The following STARD13 variants were observed in gnomAD, a reference collection of about 807,000 sequenced individuals.
The protein encoded by STARD13 is stAR-related lipid transfer protein 13.
STARD13 carries 62 observed loss-of-function variants against 106.4 expected under a neutral mutation model. That is an observed-to-expected ratio of 0.58 (90% CI 0.48 to 0.72). STARD13 has a LOEUF of 0.72. Among genes scored for constraint, STARD13 ranks in the 30% least tolerant of loss-of-function variants. The pLI is 0.00. For missense variants in STARD13, 1,387 were observed against 1,424.0 expected (o/e 0.97, Z 0.42); for synonymous variants, 565 against 553.0 (o/e 1.02, Z -0.31).
intron 7 of STARD13, among the ~76,000 whole-genome samples, chr13:33,120,775 A>G (rs1198607963): frequency 1.5e-5 from 2 of 137,372 alleles, no homozygotes; most frequent in Admixed American, 7.4e-5. Flanking sequence ...CTATTTCCTG[A>G]CTTTTTTTTT....
At chr13:33,436,231 T>C in the STARD13 span, among the ~76,000 whole-genome samples, 1 of 152,374 alleles carries the variant, frequency 6.6e-6, no homozygotes, top group South Asian at 2.1e-4. Flanking sequence ...GTGATTTTAT[T>C]TTCCTTAGGT....
At chr13:33,167,649 GT>G (rs1364449520) in intron 1 of STARD13, 27 bp from the exon 2 acceptor site, 3 of 1,606,824 alleles carry the variant, frequency 1.9e-6, no homozygotes. Flanking sequence ...AGATAAAATT[GT>G]GAGTCCCACA....
intron 1 of STARD13, among the ~76,000 whole-genome samples, chr13:33,268,691 A>G (rs1891022630): frequency 6.6e-6 from 1 of 152,252 alleles, no homozygotes; most frequent in Non-Finnish European, 1.5e-5. Context: ...AGCAATGAAC[A>G]TGGCCTCTAC....
At chr13:33,154,120 G>A (rs1374197730) in intron 3 of STARD13, among the ~76,000 whole-genome samples, 3 of 152,198 alleles carry the variant, frequency 2.0e-5, no homozygotes, top group African/African-American at 7.2e-5. Flanking sequence ...CTCCATGAGG[G>A]TGGGGCCTTT....
the STARD13 span, among the ~76,000 whole-genome samples, chr13:33,644,942 C>CT: frequency 4.7e-4 from 72 of 152,134 alleles, no homozygotes; most frequent in Non-Finnish European, 1.0e-3. Flanking sequence ...AAATAGTAAG[C>CT]TAAAACACAT....
chr13:33,110,001 C>A lies in STARD13; in HGVS notation c.2919G>T (p.Glu973Asp). The A allele has an allele frequency of 6.2e-7, 1 of 1,614,244 alleles. No homozygotes were observed. The highest frequency in any genetic ancestry group is 1.1e-5 in the South Asian group (1 of 91,086). ...CAAAGTCCTCGTCCCACAGGTGGCG[C>A]TCTCTCAGCACGCGGTTCAGGACCA... ...PSVVLNRVLR[E>D]RHLWDEDFVQ... Residue 973 changes from glutamate to aspartate, a missense_variant, in exon 12 of 14, where the codon GAG becomes GAT. Glu to Asp is a conservative substitution (Grantham distance 45, BLOSUM62 2). Transcript: ENST00000336934.
At chr13:33,517,517 T>C in the STARD13 span, among the ~76,000 whole-genome samples, 4 of 152,162 alleles carry the variant, frequency 2.6e-5, no homozygotes, top group Non-Finnish European at 2.9e-5. Flanking sequence ...GAAGGCAGAA[T>C]TGACTTTCTG....
At chr13:33,119,127 G>A (rs544931087) in intron 7 of STARD13, among the ~76,000 whole-genome samples, 2 of 152,234 alleles carry the variant, frequency 1.3e-5, no homozygotes, top group East Asian at 3.9e-4. Context: ...TGCAATGGTG[G>A]GGCAGGTTAA....
the STARD13 span, among the ~76,000 whole-genome samples, chr13:33,418,001 G>A: frequency 2.0e-5 from 3 of 152,200 alleles, no homozygotes; most frequent in Admixed American, 6.5e-5. Flanking sequence ...CAGCTCCAGT[G>A]TGGAGCTCCC....
intron 7 of STARD13, among the ~76,000 whole-genome samples, chr13:33,118,682 G>A (rs964595729): frequency 1.3e-5 from 2 of 152,172 alleles, no homozygotes; most frequent in Non-Finnish European, 2.9e-5. Flanking sequence ...ATTGCCATGG[G>A]GATTTTGAGA....
intron 1 of STARD13, among the ~76,000 whole-genome samples, chr13:33,210,462 CATT>C (rs1447593725): frequency 2.6e-5 from 4 of 152,172 alleles, no homozygotes; most frequent in Admixed American, 1.3e-4. Flanking sequence ...TGCAGTCTCT[CATT>C]GTTGACTAGA....
the STARD13 span, among the ~76,000 whole-genome samples, chr13:33,452,358 G>T: frequency 5.9e-5 from 9 of 152,064 alleles, no homozygotes; most frequent in Admixed American, 3.3e-4. Context: ...GTGGGTGTCA[G>T]GGGAAACCTA....
At chr13:33,206,796 CAG>C (rs1887443718) in intron 1 of STARD13, among the ~76,000 whole-genome samples, 1 of 152,188 alleles carries the variant, frequency 6.6e-6, no homozygotes, top group African/African-American at 2.4e-5. Flanking sequence ...CTCACCTTAT[CAG>C]TGAGTGGAGG....
chr13:33,548,959 TA>T, the STARD13 span, among the ~76,000 whole-genome samples: 2 of 152,156 alleles, frequency 1.3e-5, no homozygotes, highest in African/African-American at 4.8e-5. Flanking sequence ...GATAGAAAAA[TA>T]TTTTTTTAAA....
At chr13:33,560,582 G>T in the STARD13 span, among the ~76,000 whole-genome samples, 1 of 151,332 alleles carries the variant, frequency 6.6e-6, no homozygotes, top group Non-Finnish European at 1.5e-5. Flanking sequence ...AAACATTGTT[G>T]CAAAATGAAT....
At chr13:33,519,229 TTTC>T in the STARD13 span, among the ~76,000 whole-genome samples, 2 of 148,372 alleles carry the variant, frequency 1.3e-5, no homozygotes, top group African/African-American at 5.0e-5. Flanking sequence ...TCTTTCTTTC[TTTC>T]TTTCTTTCTT....
At chr13:33,364,853 C>T in the STARD13 span, among the ~76,000 whole-genome samples, 3 of 152,078 alleles carry the variant, frequency 2.0e-5, no homozygotes, top group Admixed American at 2.0e-4. Flanking sequence ...GGCGCCACTG[C>T]ACTCCAGCCT....
At chr13:33,311,938 T>C (rs1211299361) in intron 1 of STARD13, among the ~76,000 whole-genome samples, 1 of 152,134 alleles carries the variant, frequency 6.6e-6, no homozygotes, top group Non-Finnish European at 1.5e-5. Context: ...GTAGGGAAAG[T>C]GTAATTCTTT....
At chr13:33,672,146 A>G in the STARD13 span, among the ~76,000 whole-genome samples, 2 of 152,252 alleles carry the variant, frequency 1.3e-5, no homozygotes, top group African/African-American at 4.8e-5. Flanking sequence ...GACTGGATAA[A>G]GAAAATGTGG....
Sources: gnomAD v4.1 joint callset for allele counts (sites outside exome capture counted in the v4.1 genomes callset) on GRCh38, gnomAD v4.1.1 for gene constraint, MANE v1.5 for transcripts, NCBI Gene and HGNC (gene_info 2026-07-23, HGNC 2026-07-21) for gene names.